MBD5: variants seen among roughly 807,000 people sequenced by gnomAD.
The protein encoded by MBD5 is methyl-CpG-binding domain protein 5.
In MBD5, 13 loss-of-function variants were observed where a neutral mutation model predicts 117.3. That is an observed-to-expected ratio of 0.11 (90% CI 0.07 to 0.18). The LOEUF is 0.18. Among genes scored for constraint, MBD5 ranks in the 10% least tolerant of loss-of-function variants. MBD5 has a pLI of 1.00. For missense variants in MBD5, 1,879 were observed against 2,093.8 expected, an observed-to-expected ratio of 0.90 and a Z score of 2.00; for synonymous variants, 727 against 766.4, an observed-to-expected ratio of 0.95 and a Z score of 0.85.
In MBD5 at chr2:148,484,029, G is replaced by T; in HGVS notation, c.3438G>T (p.Leu1146Phe). The T allele has an allele frequency of 6.4e-7, 1 of 1,550,478 alleles. No homozygotes were observed. The highest frequency in any genetic ancestry group is 8.7e-7 in the Non-Finnish European group (1 of 1,146,944). Residue 1146 changes from leucine (L) to phenylalanine (F), a missense_variant, in exon 9 of 14, where the codon TTG becomes TTT. Physicochemically the swap from Leu to Phe is conservative, Grantham distance 22. Around this residue, in one of 4 missense-constraint regions of MBD5, gnomAD observed 1,666 missense variants for 1,792.2 expected, o/e 0.93. Coordinates refer to ENST00000642680, the MANE Select transcript of MBD5 (RefSeq NM_001378120.1). ...CAGTGGTGTCAATGGCAGAAACATT[G>T]CTGAATATATCTAATAATGCTGGGA... ...GTAVVSMAET[L>F]LNISNNAGNT... is the part of the protein sequence containing the mutation.
At chr2:148,478,724 A>G (rs953267077) in intron 8 of MBD5, among the ~76,000 whole-genome samples, 1 of 152,142 alleles carries the variant, frequency 6.6e-6, no homozygotes, top group South Asian at 2.1e-4. Context: ...CAACAGAGAC[A>G]ATGAGAAAAA....
chr2:148,496,659 T>C (rs1042058461), intron 11 of MBD5, among the ~76,000 whole-genome samples: 9 of 152,220 alleles, frequency 5.9e-5, no homozygotes, highest in Non-Finnish European at 1.2e-4. Context: ...TATCTATGTG[T>C]TGTGGATTGA....
chr2:148,476,204 C>T (rs1338398797), intron 8 of MBD5, among the ~76,000 whole-genome samples: 2 of 64,668 alleles, frequency 3.1e-5, no homozygotes, highest in Non-Finnish European at 4.2e-5. Flanking sequence ...CTCAATGTAG[C>T]CTGATAAATA....
intron 1 of MBD5, among the ~76,000 whole-genome samples, chr2:148,036,249 A>C (rs1358680852): frequency 6.6e-6 from 1 of 152,168 alleles, no homozygotes; most frequent in Non-Finnish European, 1.5e-5. Flanking sequence ...CAGTGGAAAG[A>C]CTAAAATTAG....
At chr2:148,471,798 T>C (rs978571966) in intron 8 of MBD5, 1 of 152,100 alleles carries the variant, frequency 6.6e-6, no homozygotes, top group African/African-American at 2.4e-5. Context: ...AAACTTTATG[T>C]TTTATGTGTC....
intron 12 of MBD5, among the ~76,000 whole-genome samples, chr2:148,508,418 C>A (rs1013548992): frequency 2.0e-5 from 3 of 150,316 alleles, no homozygotes; most frequent in Non-Finnish European, 3.0e-5. Flanking sequence ...TAAAAAAAAA[C>A]ACACATAAAA....
intron 4 of MBD5, among the ~76,000 whole-genome samples, chr2:148,447,148 AAAGAAGGAAAGAAAGGAAGAAAGG>A (rs1216339283): frequency 6.7e-6 from 1 of 148,988 alleles, no homozygotes; most frequent in Non-Finnish European, 1.5e-5. Flanking sequence ...AGAGAGAAAG[AAAGAAGGAAAGAAAGGAAGAAAGG>A]AAGAAGGAAA....
At chr2:148,268,124 A>G (rs1481060465) in intron 3 of MBD5, among the ~76,000 whole-genome samples, 2 of 151,098 alleles carry the variant, frequency 1.3e-5, no homozygotes, top group Admixed American at 6.6e-5. Context: ...TAGTTTTTGT[A>G]TTTTTTTGTA....
chr2:148,446,852 T>C (rs1474570859), intron 4 of MBD5, among the ~76,000 whole-genome samples: 1 of 152,028 alleles, frequency 6.6e-6, no homozygotes, highest in Non-Finnish European at 1.5e-5. Flanking sequence ...AGTAAACAGG[T>C]TATAAGATCT....
At chr2:148,255,415 C>T (rs143587508) in intron 3 of MBD5, among the ~76,000 whole-genome samples, 6 of 152,258 alleles carry the variant, frequency 3.9e-5, no homozygotes, top group African/African-American at 4.8e-5. Flanking sequence ...CCATGGGGGC[C>T]GTGTATTGAA....
At chr2:148,356,543 C>CA (rs1474854598) in intron 4 of MBD5, among the ~76,000 whole-genome samples, 1 of 152,112 alleles carries the variant, frequency 6.6e-6, no homozygotes, top group East Asian at 1.9e-4. Flanking sequence ...GTAGCTAAAA[C>CA]AATGCTATAT....
rs891579526 is a variant in MBD5, at chr2:148,299,432, G to T, written c.-679-42782G>T. On this transcript the variant is annotated intron_variant, in intron 3 of 13. Coordinates refer to ENST00000642680, the MANE Select transcript of MBD5 (RefSeq NM_001378120.1). ...AATGAGCCACCATGCCTGGCCTAAA[G>T]AACTTTTTTAAAGAACTTTGTCTAA... Among the ~76,000 whole-genome samples the T allele has an allele frequency of 1.7e-3, 26 of 15,420 alleles. No homozygotes were observed. In the Admixed American group the frequency reaches 0.035, roughly 21 times the overall value. The allele number at this position is 15,420 out of a possible 152,430, so 10.1% of individuals were successfully genotyped here.
rs1278752173 is a variant in MBD5 at position 148,489,658 on chromosome 2, C to T, written c.4026C>T (p.Asn1342=). Residue 1342 remains asparagine (N), a synonymous_variant, in exon 11 of 14, where the codon AAC becomes AAT. Coordinates refer to ENST00000642680, the MANE Select transcript of MBD5 (RefSeq NM_001378120.1). ...AGGTTGTCATCACCACTGCAGTCAA[C>T]AGTACAACTCAGATCAGCCCCATTC... ...GMQVVITTAV[N]STTQISPIPA... is the part of the protein sequence containing the mutation. 2 of 1,614,186 alleles carry T rather than the reference C, an allele frequency of 1.2e-6. No individual in the cohort carries two copies. The highest frequency in any genetic ancestry group is 1.7e-5 in the Admixed American group (1 of 60,018).
rs116420289 is a variant in MBD5 at position 148,270,666 on chromosome 2, G to A, written c.-680+37271G>A. ...GGCCTTTCAAAGTGCTGGCATTACA[G>A]GTGTCAGCCGCCATGTTTGGCCTCA... On this transcript the variant is annotated intron_variant, in intron 3 of 13. Coordinates refer to ENST00000642680, the MANE Select transcript of MBD5 (RefSeq NM_001378120.1). 5.4e-3 allele frequency among the ~76,000 whole-genome samples: 823 copies of A among 152,190 alleles called. 10 individuals are homozygous for A. Among genetic ancestry groups the A allele is most frequent in the African/African-American group, 0.019 (794 of 41,534 alleles).
chr2:148,054,264 T>C (rs1439222612), intron 1 of MBD5: 1 of 152,186 alleles, frequency 6.6e-6, no homozygotes, highest in African/African-American at 2.4e-5. Flanking sequence ...TGTTCAAGAA[T>C]TACTCTGAGG....
chr2:148,101,416 C>T (rs1213989733), intron 1 of MBD5, among the ~76,000 whole-genome samples: 1 of 152,056 alleles, frequency 6.6e-6, no homozygotes, highest in Non-Finnish European at 1.5e-5. Flanking sequence ...GAGCTATGCT[C>T]ACTCCACTGC....
chr2:148,380,234 A>G (rs1007286806), intron 4 of MBD5, among the ~76,000 whole-genome samples: 12 of 152,188 alleles, frequency 7.9e-5, no homozygotes, highest in African/African-American at 2.9e-4. Flanking sequence ...ATAAAATTCA[A>G]TTAAATTAAA....
At chr2:148,426,499 A>G (rs1016601730) in intron 4 of MBD5, among the ~76,000 whole-genome samples, 18 of 152,196 alleles carry the variant, frequency 1.2e-4, no homozygotes, top group East Asian at 1.9e-4. Flanking sequence ...ATAATGCCAC[A>G]TATCTACAAC....
At chr2:148,425,837 C>T (rs953209687) in intron 4 of MBD5, among the ~76,000 whole-genome samples, 6 of 152,132 alleles carry the variant, frequency 3.9e-5, no homozygotes, top group Non-Finnish European at 5.9e-5. Flanking sequence ...AATTCAACAT[C>T]GCTTCATGCT....
Sources: gnomAD v4.1 joint callset for allele counts (sites outside exome capture counted in the v4.1 genomes callset) on GRCh38, gnomAD v4.1.1 for gene constraint, gnomAD v4.1.1 regional missense constraint, MANE v1.5 for transcripts, NCBI Gene and HGNC (gene_info 2026-07-23, HGNC 2026-07-21) for gene names.